FN1: variants seen among roughly 807,000 people sequenced by gnomAD.
FN1 encodes the protein fibronectin.
Under a neutral mutation model 297.3 loss-of-function variants are expected in FN1, and 106 were observed. The ratio of observed to expected loss-of-function variants is 0.36; its 90% CI spans 0.30 to 0.42. FN1 has a LOEUF of 0.42. Ranked by LOEUF, FN1 falls within the 10% of genes least tolerant of loss-of-function variation. The pLI, the probability that FN1 is intolerant of heterozygous loss-of-function variation, is 1.00. For missense variants in FN1, 2,690 were observed against 3,124.9 expected, an observed-to-expected ratio of 0.86 and a Z score of 3.32; for synonymous variants, 1,149 against 1,152.6, an observed-to-expected ratio of 1.00 and a Z score of 0.06.
Position 215,370,438 on chromosome 2 carries a change from A to C in FN1, c.6715-6T>G. 1 of 1,613,268 alleles carries C rather than the reference A, an allele frequency of 6.2e-7. No homozygotes were observed. The highest frequency in any genetic ancestry group is 1.7e-4 in the Middle Eastern group (1 of 6,054). Reference sequence around the variant, plus strand: ...GAAGTTCCAGGAACCCTGAACTGCAATTATCGGTACATCCAAAGCAGAGAG... The same window carrying C: ...GAAGTTCCAGGAACCCTGAACTGCACTTATCGGTACATCCAAAGCAGAGAG... On this transcript the variant is annotated splice_region_variant and splice_polypyrimidine_tract_variant and intron_variant, in intron 40 of 45. Coordinates refer to ENST00000354785, the MANE Select transcript of FN1 (RefSeq NM_212482.4).
At chr2:215,391,998 C>T (rs1575484494) in intron 25 of FN1, 184 bp from the exon 26 acceptor site, 2 of 613,706 alleles carry the variant, frequency 3.3e-6, no homozygotes, top group East Asian at 2.8e-5. Flanking sequence ...ACACTACACA[C>T]AGTACTGTTA....
At chr2:215,393,435 T>TAC (rs143429426) in intron 24 of FN1, 9 of 179,760 alleles carry the variant, frequency 5.0e-5, no homozygotes, top group African/African-American at 1.7e-4. Context: ...GGAATATATA[T>TAC]ATATATATAT....
Position 215,421,005 on chromosome 2 carries a change from C to T in FN1, c.1547-204G>A, listed in dbSNP as rs542529299. 3 of 564,220 alleles carry T rather than the reference C, an allele frequency of 5.3e-6. No individual in the cohort carries two copies. The South Asian group carries it at 5.9e-5, about 11-fold the overall frequency. 35.0% of individuals were successfully genotyped at this position (564,220 alleles called of 1,614,324 possible). Reference sequence around the variant, plus strand: ...TTTTGCCAAAAAAATTTTTTTCTTCCCAAAATGTGTAACTTTTGCAGAGGT... The same window carrying T: ...TTTTGCCAAAAAAATTTTTTTCTTCTCAAAATGTGTAACTTTTGCAGAGGT... On this transcript the variant is annotated intron_variant, in intron 10 of 45. Transcript: ENST00000354785.
chr2:215,385,308 T>A (rs914674222), intron 28 of FN1, among the ~76,000 whole-genome samples: 1 of 146,456 alleles, frequency 6.8e-6, no homozygotes, highest in Non-Finnish European at 1.5e-5. Flanking sequence ...ACGCCTGTAA[T>A]CCCAGCACTT....
intron 20 of FN1, among the ~76,000 whole-genome samples, chr2:215,399,775 T>C (rs913197408): frequency 4.6e-5 from 7 of 152,220 alleles, no homozygotes; most frequent in Non-Finnish European, 8.8e-5. Context: ...AATTTCCCTA[T>C]ATCGTCAGTG....
At chr2:215,425,396 G>A (rs986635747) in intron 6 of FN1, 111 bp from the exon 7 acceptor site, 10 of 1,102,668 alleles carry the variant, frequency 9.1e-6, no homozygotes, top group Admixed American at 5.4e-5. Context: ...AATCTATGTC[G>A]CTACTGGCCT....
intron 23 of FN1, 109 bp downstream of exon 23, chr2:215,397,028 A>G: frequency 4.9e-6 from 4 of 812,814 alleles, no homozygotes; most frequent in Non-Finnish European, 8.9e-6. Flanking sequence ...TGGAGAGCTA[A>G]GCATTTGTAA....
At chr2:215,407,971 CA>C in intron 17 of FN1, 136 bp downstream of exon 17, 3 of 704,402 alleles carry the variant, frequency 4.3e-6, no homozygotes, top group East Asian at 2.8e-5. Context: ...CACACACACA[CA>C]CACACACAAA....
At chr2:215,421,036 TA>T in intron 10 of FN1, 1 of 489,174 alleles carries the variant, frequency 2.0e-6, no homozygotes, top group Non-Finnish European at 3.7e-6. Flanking sequence ...GAGGTTACAG[TA>T]TGCTCAAGTA....
chr2:215,362,184 A>G (rs2106095280), intron 44 of FN1, 105 bp from the exon 45 acceptor site: 2 of 770,346 alleles, frequency 2.6e-6, no homozygotes, highest in African/African-American at 1.7e-5. Flanking sequence ...TGCACTGGCA[A>G]AATATAAGCA....
In FN1 at chr2:215,375,468, C is replaced by T. The variant is rs1478079063; in HGVS notation, c.5978-75G>A. 2.0e-5 allele frequency: 28 copies of T among 1,416,808 alleles called. No homozygotes were observed. The African/African-American group carries it at 2.0e-4, about 10-fold the overall frequency. The allele number at this position is 1,416,808 out of a possible 1,614,324, so 87.8% of individuals were successfully genotyped here. On this transcript the variant is annotated intron_variant, in intron 37 of 45. Transcript: ENST00000354785. ...TTACTCCCACACTTTTCTCCCGAGC[C>T]GTTCTAAACACACTTAAAAGAATCT...
Position 215,397,675 on chromosome 2 carries a change from C to T in FN1, c.3517+5G>A. ...CTAATAGAAAAGGGAAAAAATTCTT[C>T]TTACGTGTCACCACTTTGTTTACAA... On this transcript the variant is annotated splice_donor_5th_base_variant and intron_variant, in intron 22 of 45. Transcript: ENST00000354785. 1 of 1,613,798 alleles carries T rather than the reference C, an allele frequency of 6.2e-7. No individual in the cohort carries two copies. The highest frequency in any genetic ancestry group is 8.5e-7 in the Non-Finnish European group (1 of 1,179,696).
chr2:215,375,510 G>A (rs760743635), intron 37 of FN1, 117 bp from the exon 38 acceptor site: 234 of 1,271,030 alleles, frequency 1.8e-4, no homozygotes, highest in Non-Finnish European at 2.4e-4. Flanking sequence ...ACTGTAAACC[G>A]GAAACAAGAT....
intron 29 of FN1, 41 bp from the exon 30 acceptor site, chr2:215,384,225 A>G (rs1368777200): frequency 6.3e-7 from 1 of 1,594,712 alleles, no homozygotes; most frequent in African/African-American, 1.3e-5. Flanking sequence ...AGGGGTTTAG[A>G]GCTACTTGGG....
chr2:215,415,712 A>G (rs2063341860), intron 12 of FN1, among the ~76,000 whole-genome samples: 1 of 152,130 alleles, frequency 6.6e-6, no homozygotes, highest in Non-Finnish European at 1.5e-5. Flanking sequence ...ACCTTGATGT[A>G]TATCACTGTT....
Position 215,380,878 on chromosome 2 carries a change from G to A in FN1, c.5367C>T (p.Tyr1789=). Reference sequence around the variant, plus strand: ...CGTGCAAGGCAACCACACTGACTGTGTACTCAGAACCCGGTCTGAGGCCTT... The same window carrying A: ...CGTGCAAGGCAACCACACTGACTGTATACTCAGAACCCGGTCTGAGGCCTT... The part of the protein sequence containing the change: ...ELQGLRPGSE[Y]TVSVVALHDD... Residue 1789 remains tyrosine (Y), a synonymous_variant, in exon 33 of 46, where the codon TAC becomes TAT. Transcript: ENST00000354785. The A allele has an allele frequency of 6.2e-7, 1 of 1,614,154 alleles. No individual in the cohort carries two copies. Among genetic ancestry groups the A allele is most frequent in the Non-Finnish European group, 8.5e-7 (1 of 1,180,032 alleles).
At chr2:215,378,558 T>C (rs754551034) in intron 34 of FN1, among the ~76,000 whole-genome samples, 1 of 152,212 alleles carries the variant, frequency 6.6e-6, no homozygotes, top group Non-Finnish European at 1.5e-5. Flanking sequence ...TTCTTTTTTA[T>C]GATCTGACAG....
Position 215,384,177 on chromosome 2 carries a change from A to T in FN1, c.4737T>A (p.Asn1579Lys), listed in dbSNP as rs1390596632. 2 of 1,613,932 alleles carry T rather than the reference A, an allele frequency of 1.2e-6. No individual in the cohort carries two copies. The highest frequency in any genetic ancestry group is 1.7e-6 in the Non-Finnish European group (2 of 1,180,004). The change falls in exon 30 of 46, where the codon AAT becomes AAA. Residue 1579 changes from asparagine (N) to lysine (K), a missense_variant. Physicochemically the swap from Asn to Lys is moderately conservative, Grantham distance 94 (BLOSUM62 0). Coordinates refer to ENST00000354785, the MANE Select transcript of FN1 (RefSeq NM_212482.4). ...GCACAGTGAACTCCTGGACAGGGCT[A>T]TTTCCTCCTGTATGAAAAAGGGTTA... ...YRITYGETGG[N>K]SPVQEFTVPG...
At chr2:215,388,109 G>A (rs2059252573) in intron 27 of FN1, 103 bp downstream of exon 27, 1 of 862,382 alleles carries the variant, frequency 1.2e-6, no homozygotes, top group Non-Finnish European at 1.9e-6. Flanking sequence ...CACACACCAT[G>A]ACAACAAAAA....
Sources: allele counts gnomAD v4.1 joint callset (sites outside exome capture counted in the v4.1 genomes callset), GRCh38; gene constraint gnomAD v4.1.1; transcripts MANE v1.5; gene names NCBI Gene and HGNC (gene_info 2026-07-23, HGNC 2026-07-21).